TOX3: variants seen among roughly 807,000 people sequenced by gnomAD.
TOX3 encodes the protein CAG trinucleotide repeat-containing gene F9 protein.
TOX3 carries 22 observed loss-of-function variants against 64.3 expected under a neutral mutation model. The ratio of observed to expected loss-of-function variants is 0.34; its 90% CI spans 0.24 to 0.49. The LOEUF is 0.49. Among genes scored for constraint, TOX3 ranks in the 20% least tolerant of loss-of-function variants. The pLI is 0.99. For missense variants in TOX3, 661 were observed against 714.4 expected (o/e 0.93, Z 0.85); for synonymous variants, 291 against 273.6 (o/e 1.06, Z -0.63).
Position 52,452,072 on chromosome 16 carries a change from T to C in TOX3, c.409-1526A>G, listed in dbSNP as rs1297758521. 2.6e-5 allele frequency among the ~76,000 whole-genome samples: 4 copies of C among 152,188 alleles called. No individual in the cohort carries two copies. In the South Asian group the frequency reaches 6.2e-4, roughly 24 times the overall value. On this transcript the variant is annotated intron_variant, in intron 3 of 6. Transcript: ENST00000219746. Reference sequence around the variant, plus strand: ...CCAGGCGGGGCAAAACCACTCCCAGTTGAGAACCACTAACCTACCCAAGAT... The same window carrying C: ...CCAGGCGGGGCAAAACCACTCCCAGCTGAGAACCACTAACCTACCCAAGAT...
At chr16:52,448,830 T>C (rs562131897) in intron 4 of TOX3, among the ~76,000 whole-genome samples, 127 of 152,116 alleles carry the variant, frequency 8.3e-4, no homozygotes, top group Admixed American at 6.1e-3. Context: ...CAGTTCCCCA[T>C]GACTGAGTTC....
intron 1 of TOX3, among the ~76,000 whole-genome samples, chr16:52,510,741 C>CAG (rs1405333686): frequency 1.1e-5 from 1 of 93,114 alleles, no homozygotes; most frequent in East Asian, 3.4e-4. Flanking sequence ...GGGAAACAGA[C>CAG]AGAGAAGGAC....
rs556626774 is a variant in TOX3 at position 52,546,769 on chromosome 16, G to A, written c.-46C>T. ...CGGGGGCCGGGACTGGGGTTCGCCGGGGCCGGGACCCGCCTCCTCGCCGCC... is the reference window on the plus strand; with the variant it reads ...CGGGGGCCGGGACTGGGGTTCGCCGAGGCCGGGACCCGCCTCCTCGCCGCC... On this transcript the variant is annotated 5_prime_UTR_variant, in exon 1 of 7. Coordinates refer to ENST00000219746, the MANE Select transcript of TOX3 (RefSeq NM_001080430.4). The A allele has an allele frequency of 2.7e-3, 3,858 of 1,455,070 alleles. 87 individuals are homozygous for A. In the African/African-American group the frequency reaches 0.048, roughly 18 times the overall value. 90.1% of individuals were successfully genotyped at this position (1,455,070 alleles called of 1,614,324 possible).
intron 1 of TOX3, among the ~76,000 whole-genome samples, chr16:52,524,225 C>A (rs1962674145): frequency 6.6e-6 from 1 of 152,078 alleles, no homozygotes; most frequent in Admixed American, 6.6e-5. Context: ...TGAACTATGG[C>A]ATCAGAAAAA....
rs1279812987 is a variant in TOX3, at chr16:52,536,892, C to T, written c.87+9745G>A. Among the ~76,000 whole-genome samples the T allele has an allele frequency of 3.3e-5, 5 of 150,972 alleles. No homozygotes were observed. In the East Asian group the frequency reaches 9.7e-4, roughly 29 times the overall value. On this transcript the variant is annotated intron_variant, in intron 1 of 6. Transcript: ENST00000219746. Reference sequence around the variant, plus strand: ...ATATATGTATATATACACATGTGTGCACATATTTACATATTTTATATATAT... The same window carrying T: ...ATATATGTATATATACACATGTGTGTACATATTTACATATTTTATATATAT...
At chr16:52,440,092 G>A (rs12924991) in intron 6 of TOX3, 124 bp from the exon 7 acceptor site, 1 of 758,882 alleles carries the variant, frequency 1.3e-6, no homozygotes, top group African/African-American at 1.8e-5. Flanking sequence ...CCTCCTGTAT[G>A]TGTACTCTTT....
intron 1 of TOX3, among the ~76,000 whole-genome samples, chr16:52,510,379 A>G (rs144918354): frequency 6.6e-6 from 1 of 152,334 alleles, no homozygotes; most frequent in African/African-American, 2.4e-5. Flanking sequence ...GATACTAAAA[A>G]TTTACATTAG....
intron 1 of TOX3, among the ~76,000 whole-genome samples, chr16:52,540,204 A>G (rs984484637): frequency 6.6e-6 from 1 of 151,662 alleles, no homozygotes; most frequent in Admixed American, 6.6e-5. Flanking sequence ...ACACAGCAAG[A>G]CCCTATCTCT....
chr16:52,502,436 G>A (rs8046985), intron 1 of TOX3, among the ~76,000 whole-genome samples: 150,587 of 152,322 alleles, frequency 0.99, 74,438 homozygotes, highest in Middle Eastern at 1. Flanking sequence ...AATAATTTTC[G>A]GTCAAAATCT....
chr16:52,444,433 T>A, intron 5 of TOX3, 77 bp from the exon 6 acceptor site: 1 of 1,277,118 alleles, frequency 7.8e-7, no homozygotes, highest in African/African-American at 1.5e-5. Flanking sequence ...ACAAATTAGG[T>A]CACATAAACA....
intron 3 of TOX3, among the ~76,000 whole-genome samples, chr16:52,452,832 G>A (rs552687533): frequency 5.8e-4 from 89 of 152,138 alleles, no homozygotes; most frequent in East Asian, 2.1e-3. Context: ...AATAATTTCC[G>A]AATAATTACT....
intron 1 of TOX3, among the ~76,000 whole-genome samples, chr16:52,508,912 A>G (rs1257232649): frequency 6.6e-6 from 1 of 152,216 alleles, no homozygotes; most frequent in Non-Finnish European, 1.5e-5. Context: ...AAAAAAGTGT[A>G]CAAGCCCAAA....
chr16:52,446,087 A>G lies in TOX3; in HGVS notation c.813T>C (p.Ala271=). The change falls in exon 5 of 7, where the codon GCT becomes GCC. Residue 271 remains alanine (A), a synonymous_variant. Transcript: ENST00000219746. ...CATTGGGGTTTTGACCTTTAATTGC[A>G]GCCTGTGTGTCTCTGAAAAACAGGG... The part of the protein sequence containing the change: ...AYALFFRDTQ[A]AIKGQNPNAT... 3.1e-6 allele frequency: 5 copies of G among 1,613,984 alleles called. No homozygotes were observed. The highest frequency in any genetic ancestry group is 4.2e-6 in the Non-Finnish European group (5 of 1,179,844).
chr16:52,467,166 T>G (rs1401385402), intron 2 of TOX3, among the ~76,000 whole-genome samples: 1 of 152,188 alleles, frequency 6.6e-6, no homozygotes. Context: ...ACAGCCAATG[T>G]CTGACACGGT....
At chr16:52,485,485 A>T (rs1961505961) in intron 1 of TOX3, among the ~76,000 whole-genome samples, 1 of 151,910 alleles carries the variant, frequency 6.6e-6, no homozygotes, top group Middle Eastern at 3.2e-3. Flanking sequence ...GGACTCCAAA[A>T]GGACGTTGGG....
intron 1 of TOX3, among the ~76,000 whole-genome samples, chr16:52,490,965 G>A (rs1025984377): frequency 6.6e-6 from 1 of 152,066 alleles, no homozygotes; most frequent in Non-Finnish European, 1.5e-5. Context: ...CCAAGGCATG[G>A]CTAAAGCGTA....
chr16:52,535,750 A>T (rs1962931948), intron 1 of TOX3, among the ~76,000 whole-genome samples: 1 of 152,180 alleles, frequency 6.6e-6, no homozygotes, highest in Admixed American at 6.5e-5. Context: ...CTTCAATACC[A>T]CATTTCCCTC....
At chr16:52,445,379 C>G (rs1468511606) in intron 5 of TOX3, 1 of 152,152 alleles carries the variant, frequency 6.6e-6, no homozygotes, top group Admixed American at 6.5e-5. Context: ...GGGGGATCGA[C>G]CCCCAAGGAA....
chr16:52,487,802 T>C (rs1410531422), intron 1 of TOX3, among the ~76,000 whole-genome samples: 1 of 152,222 alleles, frequency 6.6e-6, no homozygotes, highest in Non-Finnish European at 1.5e-5. Context: ...CAACATAATT[T>C]GGTTTTGATA....
Sources: allele counts gnomAD v4.1 joint callset (sites outside exome capture counted in the v4.1 genomes callset), GRCh38; gene constraint gnomAD v4.1.1; transcripts MANE v1.5; gene names NCBI Gene and HGNC (gene_info 2026-07-23, HGNC 2026-07-21).